TFAP2D: variants seen among roughly 807,000 people sequenced by gnomAD.
TFAP2D encodes transcription factor AP-2 delta, also known as transcription factor AP-2-delta.
In TFAP2D, 9 loss-of-function variants were observed where a neutral mutation model predicts 43.6. That is an observed-to-expected ratio of 0.21 (90% CI 0.12 to 0.36). The LOEUF (loss-of-function observed/expected upper bound fraction) is 0.36, where lower values mean the gene tolerates loss of function less well. Ranked by LOEUF, TFAP2D falls within the 10% of genes least tolerant of loss-of-function variation. The pLI is 1.00. For missense variants in TFAP2D, 513 were observed against 561.4 expected, an observed-to-expected ratio of 0.91 and a Z score of 0.87; for synonymous variants, 256 against 224.9, an observed-to-expected ratio of 1.14 and a Z score of -1.24.
Position 50,728,931 on chromosome 6 carries a change from C to A in TFAP2D, c.674C>A (p.Ser225Tyr). The A allele has an allele frequency of 6.2e-7, 1 of 1,614,052 alleles. No homozygotes were observed. Among genetic ancestry groups the A allele is most frequent in the Non-Finnish European group, 8.5e-7 (1 of 1,179,948 alleles). ...CGTTTGTCCCTTCTTAGTTCTACTT[C>A]CAAATACAAGGTGACCATTGCTGAG... ...PGRLSLLSST[S>Y]KYKVTIAEVK... Residue 225 changes from serine (S) to tyrosine (Y), a missense_variant, in exon 4 of 8, where the codon TCC becomes TAC. This residue lies in a region of TFAP2D where 311 missense variants were observed against 316.2 expected (regional missense o/e 0.98). Coordinates refer to ENST00000008391, the MANE Select transcript of TFAP2D (RefSeq NM_172238.4).
intron 3 of TFAP2D, among the ~76,000 whole-genome samples, chr6:50,727,438 G>T (rs143841652): frequency 3.3e-5 from 5 of 152,256 alleles, no homozygotes; most frequent in African/African-American, 9.6e-5. Flanking sequence ...GCTAGTTAAG[G>T]GTAGGAGATA....
At chr6:50,729,095 C>G (rs1283569038) in intron 4 of TFAP2D, 74 bp downstream of exon 4, 2 of 1,602,322 alleles carry the variant, frequency 1.2e-6, no homozygotes, top group Non-Finnish European at 1.7e-6. Flanking sequence ...GTCATGATGT[C>G]TTCCATCTGA....
chr6:50,749,073 T>C (rs1267320511), intron 6 of TFAP2D, among the ~76,000 whole-genome samples: 1 of 151,816 alleles, frequency 6.6e-6, no homozygotes, highest in African/African-American at 2.4e-5. Flanking sequence ...AATGAGATGA[T>C]GATGATAATT....
rs1282325291 is a variant in TFAP2D at position 50,715,467 on chromosome 6, A to G, written c.391A>G (p.Arg131Gly). 1 of 1,614,066 alleles carries G rather than the reference A, an allele frequency of 6.2e-7. No homozygotes were observed. The highest frequency in any genetic ancestry group is 8.5e-7 in the Non-Finnish European group (1 of 1,180,036). Residue 131 changes from arginine to glycine, a missense_variant, in exon 2 of 8, where the codon AGG becomes GGG. Coordinates refer to ENST00000008391, the MANE Select transcript of TFAP2D (RefSeq NM_172238.4). The part of the protein sequence containing the change: ...ALKSSCLDEQ[R>G]RELGCLDAYR... ...CAAGTCGTCCTGCCTGGACGAGCAG[A>G]GGCGGGAGCTGGGCTGCCTCGATGC...
intron 3 of TFAP2D, among the ~76,000 whole-genome samples, chr6:50,720,486 AACACACACACACAC>A (rs59484837): frequency 0.034 from 4,726 of 139,146 alleles, 132 homozygotes; most frequent in African/African-American, 0.08. Flanking sequence ...TGGAGATTAA[AACACACACACACAC>A]ACACACACAC....
At chr6:50,757,463 AAT>A (rs1244575138) in intron 7 of TFAP2D, among the ~76,000 whole-genome samples, 2 of 109,124 alleles carry the variant, frequency 1.8e-5, no homozygotes, top group East Asian at 2.6e-4. Flanking sequence ...ATATATATAT[AAT>A]ATATATAATT....
chr6:50,733,373 T>C (rs1212832315), intron 5 of TFAP2D, among the ~76,000 whole-genome samples: 1 of 152,104 alleles, frequency 6.6e-6, no homozygotes, highest in Non-Finnish European at 1.5e-5. Context: ...TTTCCTTTGC[T>C]AATTACATTG....
chr6:50,735,994 T>C (rs921028229), intron 5 of TFAP2D, among the ~76,000 whole-genome samples: 1 of 152,150 alleles, frequency 6.6e-6, no homozygotes, highest in Non-Finnish European at 1.5e-5. Flanking sequence ...AAAGCTAATA[T>C]TCTCATTGCT....
intron 7 of TFAP2D, among the ~76,000 whole-genome samples, chr6:50,764,838 G>T (rs1300315243): frequency 1.3e-5 from 2 of 152,104 alleles, no homozygotes; most frequent in Non-Finnish European, 2.9e-5. Context: ...AGGATATGAT[G>T]ATTTGATATA....
chr6:50,731,449 T>C (rs185511772), intron 5 of TFAP2D, among the ~76,000 whole-genome samples: 2 of 149,274 alleles, frequency 1.3e-5, no homozygotes, highest in Admixed American at 1.3e-4. Flanking sequence ...CCCACTTTCA[T>C]ACACACACAC....
chr6:50,745,506 A>G (rs1030098354), intron 6 of TFAP2D, among the ~76,000 whole-genome samples: 2 of 152,184 alleles, frequency 1.3e-5, no homozygotes, highest in Admixed American at 1.3e-4. Flanking sequence ...GAATATGCAG[A>G]AATCCCTTGG....
At chr6:50,720,969 G>A (rs1185640271) in intron 3 of TFAP2D, among the ~76,000 whole-genome samples, 1 of 152,204 alleles carries the variant, frequency 6.6e-6, no homozygotes, top group African/African-American at 2.4e-5. Context: ...ACTTGAGGCC[G>A]AGGAGGGAGT....
At chr6:50,744,605 G>A (rs1011070738) in intron 5 of TFAP2D, among the ~76,000 whole-genome samples, 1 of 152,104 alleles carries the variant, frequency 6.6e-6, no homozygotes, top group Non-Finnish European at 1.5e-5. Flanking sequence ...AAAGAACAAA[G>A]TTATTCATGA....
chr6:50,753,201 G>A (rs1324063393), intron 7 of TFAP2D, among the ~76,000 whole-genome samples: 1 of 151,882 alleles, frequency 6.6e-6, no homozygotes, highest in South Asian at 2.1e-4. Context: ...ATTTTACTCT[G>A]AGAAGGAGCA....
chr6:50,716,416 T>C (rs1339940745), intron 2 of TFAP2D, among the ~76,000 whole-genome samples: 4 of 147,056 alleles, frequency 2.7e-5, no homozygotes, highest in African/African-American at 1.0e-4. Flanking sequence ...GCAGTAACGG[T>C]AATGAAAGAG....
rs943841465 is a variant in TFAP2D, at chr6:50,714,913, A to T, written c.40-203A>T. 3.9e-5 allele frequency among the ~76,000 whole-genome samples: 6 copies of T among 151,952 alleles called. No homozygotes were observed. The East Asian group carries it at 5.8e-4, about 15-fold the overall frequency. ...TTCCGCTCTCTCGACTGTGAGGACG[A>T]GGCCGCCCACCCCCAGTTCGCCTGT... On this transcript the variant is annotated intron_variant, in intron 1 of 7. Coordinates refer to ENST00000008391, the MANE Select transcript of TFAP2D (RefSeq NM_172238.4).
chr6:50,739,468 TCATTGATGGA>T (rs1769007939), intron 5 of TFAP2D, among the ~76,000 whole-genome samples: 1 of 152,126 alleles, frequency 6.6e-6, no homozygotes, highest in South Asian at 2.1e-4. Context: ...ATCCAGTCTA[TCATTGATGGA>T]CATTTGGATT....
rs531493049 is a variant in TFAP2D at position 50,763,839 on chromosome 6, C to T, written c.1140-8806C>T. The stretch of plus-strand genomic sequence containing the variant: ...GAACAAAAATGAGAGCAGTGATTGC[C>T]AGGAGCTGGGGCTTGGGAGAGTGAA... On this transcript the variant is annotated intron_variant, in intron 7 of 7. Transcript: ENST00000008391. 6.6e-5 allele frequency among the ~76,000 whole-genome samples: 10 copies of T among 152,132 alleles called. No homozygotes were observed. The East Asian group carries it at 1.9e-3, about 29-fold the overall frequency.
intron 7 of TFAP2D, 142 bp from the exon 8 acceptor site, chr6:50,772,503 A>G (rs570938393): frequency 1.9e-5 from 14 of 734,524 alleles, no homozygotes; most frequent in South Asian, 3.7e-5. Context: ...ACTGTGTTGT[A>G]TCTTCCACAA....
Sources: gnomAD v4.1 joint callset for allele counts (sites outside exome capture counted in the v4.1 genomes callset) on GRCh38, gnomAD v4.1.1 for gene constraint, gnomAD v4.1.1 regional missense constraint, MANE v1.5 for transcripts, NCBI Gene and HGNC (gene_info 2026-07-23, HGNC 2026-07-21) for gene names.